Variants in PDE4B observed in about 807,000 individuals in gnomAD.
PDE4B encodes the protein phosphodiesterase 4B, also known as 3',5'-cyclic-AMP phosphodiesterase 4B.
Under a neutral mutation model 82.2 loss-of-function variants are expected in PDE4B, and 20 were observed. The ratio of observed to expected loss-of-function variants is 0.24; its 90% CI spans 0.17 to 0.35. The LOEUF is 0.35. Among genes scored for constraint, PDE4B ranks in the 10% least tolerant of loss-of-function variants. The pLI is 1.00. For synonymous variants in PDE4B, 320 were observed against 318.9 expected (o/e 1.00, Z -0.04); for missense variants, 655 against 907.2 (o/e 0.72, Z 3.57).
intron 3 of PDE4B, among the ~76,000 whole-genome samples, chr1:66,185,001 C>T (rs1475000356): frequency 4.6e-5 from 7 of 152,092 alleles, no homozygotes; most frequent in Non-Finnish European, 4.4e-5. Context: ...CCTCCCACCC[C>T]ACAACAGGCC....
chr1:65,820,066 C>T (rs565457671), intron 1 of PDE4B, among the ~76,000 whole-genome samples: 1 of 152,250 alleles, frequency 6.6e-6, no homozygotes, highest in South Asian at 2.1e-4. Context: ...TGAAGGTTTT[C>T]AGATTTAATC....
intron 1 of PDE4B, among the ~76,000 whole-genome samples, chr1:65,824,082 G>T (rs114684848): frequency 0.015 from 2,221 of 152,170 alleles, 57 homozygotes; most frequent in African/African-American, 0.051. Flanking sequence ...ATATACTAGG[G>T]GATAGCAATT....
chr1:66,295,255 C>A (rs548158666), intron 7 of PDE4B, among the ~76,000 whole-genome samples: 17 of 152,200 alleles, frequency 1.1e-4, no homozygotes, highest in Middle Eastern at 3.4e-3. Context: ...TTGGTAGGGG[C>A]AGACTAGATT....
chr1:66,268,403 C>T (rs1445360019), intron 7 of PDE4B, among the ~76,000 whole-genome samples: 3 of 152,088 alleles, frequency 2.0e-5, no homozygotes, highest in Non-Finnish European at 4.4e-5. Context: ...GGCATGGTGG[C>T]TCATGCCTGT....
At position 66,243,388 on chromosome 1, in the gene PDE4B, T is replaced by C. The variant is rs551820316; in HGVS notation, c.282-4072T>C. ...TTTACAAGGCTCTGACCCAGGTGCC[T>C]GGGATACAAGAATGAGTAATACTTA... is the stretch of plus-strand genomic sequence containing the variant. On this transcript the variant is annotated intron_variant, in intron 3 of 16. Transcript: ENST00000341517. Among the ~76,000 whole-genome samples, 11 of 152,344 alleles carry C rather than the reference T, an allele frequency of 7.2e-5. No individual in the cohort carries two copies. In the East Asian group the frequency reaches 2.1e-3, roughly 29 times the overall value.
At chr1:66,366,741 A>G (rs778649219) in intron 13 of PDE4B, among the ~76,000 whole-genome samples, 5 of 152,200 alleles carry the variant, frequency 3.3e-5, no homozygotes, top group Admixed American at 1.3e-4. Flanking sequence ...TAGGCCAGTT[A>G]GCCTCACACA....
At chr1:66,361,340 C>T (rs1039290786) in intron 9 of PDE4B, among the ~76,000 whole-genome samples, 1 of 152,100 alleles carries the variant, frequency 6.6e-6, no homozygotes, top group Non-Finnish European at 1.5e-5. Flanking sequence ...GGTCTTGGGT[C>T]CTATTTTTGC....
intron 3 of PDE4B, among the ~76,000 whole-genome samples, chr1:66,012,866 C>G (rs968531051): frequency 1.3e-5 from 2 of 152,060 alleles, no homozygotes; most frequent in African/African-American, 4.8e-5. Context: ...TTAAGTAACA[C>G]TATATGTCAG....
chr1:66,280,920 G>T (rs1656256665), intron 7 of PDE4B, among the ~76,000 whole-genome samples: 1 of 152,172 alleles, frequency 6.6e-6, no homozygotes, highest in Admixed American at 6.5e-5. Context: ...AGAGAAAGCT[G>T]AGAGTGACTG....
At chr1:65,893,684 C>CATATATAT (rs58576596) in intron 1 of PDE4B, among the ~76,000 whole-genome samples, 40,265 of 151,780 alleles carry the variant, frequency 0.27, 6,046 homozygotes, top group East Asian at 0.48. Flanking sequence ...TTATATGAAA[C>CATATATAT]ATGCACACAT....
chr1:66,018,690 G>A (rs1246890643), intron 3 of PDE4B, among the ~76,000 whole-genome samples: 2 of 152,228 alleles, frequency 1.3e-5, no homozygotes, highest in African/African-American at 2.4e-5. Context: ...GAAACAAGTA[G>A]CATTATCAGA....
chr1:66,191,445 A>G (rs930410974), intron 3 of PDE4B, among the ~76,000 whole-genome samples: 1 of 152,216 alleles, frequency 6.6e-6, no homozygotes, highest in Non-Finnish European at 1.5e-5. Context: ...TCCTGTTATT[A>G]GTAAAATTCA....
At position 66,332,521 on chromosome 1, in the gene PDE4B, A is replaced by G. The variant is rs771603068; in HGVS notation, c.648A>G (p.Gln216=). The G allele has an allele frequency of 3.0e-5, 48 of 1,614,062 alleles. No individual in the cohort carries two copies. The highest frequency in any genetic ancestry group is 4.0e-5 in the Non-Finnish European group (47 of 1,180,040). Residue 216 remains glutamine, a synonymous_variant, in exon 8 of 17, where the codon CAA becomes CAG. Coordinates refer to ENST00000341517, the MANE Select transcript of PDE4B (RefSeq NM_002600.4). Reference sequence around the variant, plus strand: ...GTTTGTTTGCAGAAGAATCTTATCAAAAATTAGCAATGGAAACGCTGGAGG... The same window carrying G: ...GTTTGTTTGCAGAAGAATCTTATCAGAAATTAGCAATGGAAACGCTGGAGG... ...SRVNPQEESY[Q]KLAMETLEEL... is the part of the protein sequence containing the mutation.
intron 1 of PDE4B, among the ~76,000 whole-genome samples, chr1:65,902,689 A>G (rs1646984768): frequency 6.6e-6 from 1 of 152,178 alleles, no homozygotes; most frequent in Non-Finnish European, 1.5e-5. Context: ...CTCAATGCCT[A>G]TACAGTACAC....
chr1:66,014,570 A>G (rs959921943), intron 3 of PDE4B, among the ~76,000 whole-genome samples: 1 of 152,146 alleles, frequency 6.6e-6, no homozygotes, highest in African/African-American at 2.4e-5. Flanking sequence ...TTGTTAAAGA[A>G]AAAAACCATA....
chr1:66,175,022 A>G (rs568633098), intron 3 of PDE4B, among the ~76,000 whole-genome samples: 1 of 152,276 alleles, frequency 6.6e-6, no homozygotes, highest in South Asian at 2.1e-4. Flanking sequence ...CCAGAACAGC[A>G]TGGAGGAACC....
chr1:66,148,468 T>G (rs908347623), intron 3 of PDE4B, among the ~76,000 whole-genome samples: 4 of 152,194 alleles, frequency 2.6e-5, no homozygotes, highest in African/African-American at 9.7e-5. Context: ...TTCTATAGTT[T>G]GTTGTTTTTT....
chr1:66,173,071 A>G (rs1294133156), intron 3 of PDE4B, among the ~76,000 whole-genome samples: 1 of 152,180 alleles, frequency 6.6e-6, no homozygotes, highest in Non-Finnish European at 1.5e-5. Flanking sequence ...GGGCACATGG[A>G]TACACCTGTA....
chr1:66,242,853 T>G (rs566981323), intron 3 of PDE4B, among the ~76,000 whole-genome samples: 1 of 152,308 alleles, frequency 6.6e-6, no homozygotes, highest in African/African-American at 2.4e-5. Flanking sequence ...CTAAGGACAG[T>G]GTGGCAGTCT....
Sources: allele counts gnomAD v4.1 joint callset (sites outside exome capture counted in the v4.1 genomes callset), GRCh38; gene constraint gnomAD v4.1.1; transcripts MANE v1.5; gene names NCBI Gene and HGNC (gene_info 2026-07-23, HGNC 2026-07-21).